Variants in TNFRSF9 observed in about 807,000 individuals in gnomAD.
The protein encoded by TNFRSF9 is TNF receptor superfamily member 9.
In TNFRSF9, 16 loss-of-function variants were observed where a neutral mutation model predicts 28.8. The observed-to-expected ratio is 0.55, with a 90% CI of 0.38 to 0.84. The LOEUF (loss-of-function observed/expected upper bound fraction) is 0.84, where lower values mean the gene tolerates loss of function less well. Among genes scored for constraint, TNFRSF9 ranks in the 40% least tolerant of loss-of-function variants. The pLI is 0.00. For synonymous variants in TNFRSF9, 131 were observed against 117.0 expected (o/e 1.12, Z -0.77); for missense variants, 303 against 315.0 (o/e 0.96, Z 0.29).
At chr1:7,935,440 G>A (rs531476379) in intron 5 of TNFRSF9, among the ~76,000 whole-genome samples, 2 of 152,312 alleles carry the variant, frequency 1.3e-5, no homozygotes, top group South Asian at 2.1e-4. Context: ...ATGAAGGCTA[G>A]CATAGGGTTA....
chr1:7,920,714 T>G lies in TNFRSF9; in HGVS notation c.*121A>C. ...ATTGGCATTTAGAAAAGAACGTGTG[T>G]TGGGGGAATCCTGGGTATTATGTAG... is the stretch of plus-strand genomic sequence containing the variant. On this transcript the variant is annotated 3_prime_UTR_variant, in exon 8 of 8. Coordinates refer to ENST00000377507, the MANE Select transcript of TNFRSF9 (RefSeq NM_001561.6). The G allele has an allele frequency of 1.3e-6, 1 of 785,460 alleles. No homozygotes were observed. The highest frequency in any genetic ancestry group is 2.1e-6 in the Non-Finnish European group (1 of 467,704). The allele number at this position is 785,460 out of a possible 1,614,324, so 48.7% of individuals were successfully genotyped here. A position where few individuals can be genotyped will look rare whatever the true frequency, so the allele number is the denominator to read the frequency against.
In TNFRSF9 at chr1:7,916,908, A is replaced by G. The variant is rs1444248643; in HGVS notation, c.*3927T>C. The G allele has an allele frequency of 2.0e-5, 3 of 152,220 alleles. No individual in the cohort carries two copies. The highest frequency in any genetic ancestry group is 7.2e-5 in the African/African-American group (3 of 41,466). 9.4% of individuals were successfully genotyped at this position (152,220 alleles called of 1,614,324 possible). A position where few individuals can be genotyped will look rare whatever the true frequency, so the allele number is the denominator to read the frequency against. ...CTAAAATTTATATTGAATAATAAAG[A>G]ACCAAGAATAACCAAGACATCTCTT... On this transcript the variant is annotated 3_prime_UTR_variant, in exon 8 of 8. Transcript: ENST00000377507.
intron 5 of TNFRSF9, 88 bp from the exon 6 acceptor site, chr1:7,935,231 A>G: frequency 6.9e-7 from 1 of 1,450,552 alleles, no homozygotes; most frequent in Non-Finnish European, 9.4e-7. Flanking sequence ...CACCCAATGA[A>G]GTAGCCTAGT....
At chr1:7,925,370 G>GA (rs1181497368) in intron 7 of TNFRSF9, among the ~76,000 whole-genome samples, 2 of 152,054 alleles carry the variant, frequency 1.3e-5, no homozygotes, top group African/African-American at 4.8e-5. Flanking sequence ...TATTATTGAA[G>GA]AAAGAGAACA....
chr1:7,927,168 G>A lies in TNFRSF9; in HGVS notation c.679+5994C>T, dbSNP rs764840068. On this transcript the variant is annotated intron_variant, in intron 7 of 7. Transcript: ENST00000377507. ...GATCAAACAGCAAAGTGTTCATCAC[G>A]AATGCAAGATGTGAGCAAACTCACA... 1.3e-4 allele frequency among the ~76,000 whole-genome samples: 20 copies of A among 152,230 alleles called. 1 individual carries two copies. Among genetic ancestry groups the A allele is most frequent in the Middle Eastern group, 3.4e-3 (1 of 294 alleles).
intron 5 of TNFRSF9, 66 bp downstream of exon 5, chr1:7,937,624 T>C (rs1639839947): frequency 3.0e-6 from 4 of 1,352,028 alleles, no homozygotes; most frequent in East Asian, 2.3e-5. Context: ...AATGATAGCA[T>C]TCCTTATCTT....
chr1:7,923,095 G>T (rs1169814762), intron 7 of TNFRSF9, among the ~76,000 whole-genome samples: 2 of 151,844 alleles, frequency 1.3e-5, no homozygotes, highest in Admixed American at 6.6e-5. Flanking sequence ...TAGAGATGGG[G>T]TTTCACCATA....
chr1:7,932,272 C>T (rs1639742321), intron 7 of TNFRSF9, among the ~76,000 whole-genome samples: 1 of 152,118 alleles, frequency 6.6e-6, no homozygotes, highest in Admixed American at 6.5e-5. Flanking sequence ...TTTATTATAT[C>T]CCTCTTATTA....
At chr1:7,925,445 A>T (rs568380232) in intron 7 of TNFRSF9, among the ~76,000 whole-genome samples, 2 of 152,356 alleles carry the variant, frequency 1.3e-5, no homozygotes, top group South Asian at 4.1e-4. Context: ...TATACAGCAG[A>T]GGTCCCCAAC....
chr1:7,930,576 C>G (rs537203784), intron 7 of TNFRSF9, among the ~76,000 whole-genome samples: 1 of 152,050 alleles, frequency 6.6e-6, no homozygotes, highest in Admixed American at 6.6e-5. Context: ...TGGACAACAC[C>G]GTGAATCCCA....
chr1:7,920,743 G>T lies in TNFRSF9; in HGVS notation c.*92C>A. 2 of 987,026 alleles carry T rather than the reference G, an allele frequency of 2.0e-6. No individual in the cohort carries two copies. Among genetic ancestry groups the T allele is most frequent in the Non-Finnish European group, 3.2e-6 (2 of 616,250 alleles). The allele number at this position is 987,026 out of a possible 1,614,324, so 61.1% of individuals were successfully genotyped here. On this transcript the variant is annotated 3_prime_UTR_variant, in exon 8 of 8. Coordinates refer to ENST00000377507, the MANE Select transcript of TNFRSF9 (RefSeq NM_001561.6). ...GGGAATCCTGGGTATTATGTAGGAT[G>T]GTGTTCTTGCTTTTGAAAGCTGTGA...
intron 6 of TNFRSF9, 123 bp from the exon 7 acceptor site, chr1:7,933,419 C>T: frequency 8.4e-7 from 1 of 1,193,138 alleles, no homozygotes; most frequent in East Asian, 2.6e-5. Flanking sequence ...GCATCTCCAA[C>T]CTGCTAATGG....
chr1:7,930,240 T>A (rs1471202751), intron 7 of TNFRSF9, among the ~76,000 whole-genome samples: 1 of 152,036 alleles, frequency 6.6e-6, no homozygotes, highest in Non-Finnish European at 1.5e-5. Flanking sequence ...AATGCTAGGA[T>A]TACAGGCGTG....
intron 5 of TNFRSF9, among the ~76,000 whole-genome samples, chr1:7,935,553 TG>T (rs1639804127): frequency 6.6e-6 from 1 of 152,212 alleles, no homozygotes; most frequent in Admixed American, 6.5e-5. Flanking sequence ...AACCCCAGCA[TG>T]GTGGCTCACG....
chr1:7,938,433 G>T (rs1557431142), intron 3 of TNFRSF9, 103 bp from the exon 4 acceptor site: 1 of 1,245,814 alleles, frequency 8.0e-7, no homozygotes, highest in Non-Finnish European at 1.1e-6. Context: ...TCTACTTATA[G>T]TGTTCCCAGT....
intron 6 of TNFRSF9, among the ~76,000 whole-genome samples, chr1:7,934,567 G>A (rs1452325815): frequency 1.3e-5 from 2 of 151,746 alleles, no homozygotes; most frequent in African/African-American, 2.4e-5. Flanking sequence ...AAATTAGCCG[G>A]GCGTGGTGGT....
rs1250792465 is a variant in TNFRSF9, at chr1:7,918,038, C to A, written c.*2797G>T. 1 of 151,738 alleles carries A rather than the reference C, an allele frequency of 6.6e-6. No homozygotes were observed. Among genetic ancestry groups the A allele is most frequent in the Non-Finnish European group, 1.5e-5 (1 of 68,026 alleles). The allele number at this position is 151,738 out of a possible 1,614,324, so 9.4% of individuals were successfully genotyped here. A position where few individuals can be genotyped will look rare whatever the true frequency, so the allele number is the denominator to read the frequency against. On this transcript the variant is annotated 3_prime_UTR_variant, in exon 8 of 8. Transcript: ENST00000377507. Reference sequence around the variant, plus strand: ...CACTCTTGTCACCCAGTCTGGAGTGCAATGGCACAATCTTGGCTCGCTGCA... The same window carrying A: ...CACTCTTGTCACCCAGTCTGGAGTGAAATGGCACAATCTTGGCTCGCTGCA...
chr1:7,919,520 A>G lies in TNFRSF9; in HGVS notation c.*1315T>C, dbSNP rs533428002. On this transcript the variant is annotated 3_prime_UTR_variant, in exon 8 of 8. Coordinates refer to ENST00000377507, the MANE Select transcript of TNFRSF9 (RefSeq NM_001561.6). Reference sequence around the variant, plus strand: ...TCTCAAAAAAAAATAAAATGAATAAAATTTAAAAAGCTATCCTTAGATCAT... The same window carrying G: ...TCTCAAAAAAAAATAAAATGAATAAGATTTAAAAAGCTATCCTTAGATCAT... 6.6e-6 allele frequency: 1 copy of G among 152,208 alleles called. No homozygotes were observed. Among genetic ancestry groups the G allele is most frequent in the South Asian group, 2.1e-4 (1 of 4,828 alleles). 9.4% of individuals were successfully genotyped at this position (152,208 alleles called of 1,614,324 possible). A position where few individuals can be genotyped will look rare whatever the true frequency, so the allele number is the denominator to read the frequency against.
rs201012166 is a variant in TNFRSF9, at chr1:7,939,895, C to A, written c.100G>T (p.Gly34Cys). The change falls in exon 2 of 8, where the codon GGT becomes TGT. Residue 34 changes from glycine to cysteine, a missense_variant and splice_region_variant. By Grantham distance (159) the Gly-to-Cys change is radical. Coordinates refer to ENST00000377507, the MANE Select transcript of TNFRSF9 (RefSeq NM_001561.6). ...ATGCACATGATAACTGGGTACTCAC[C>A]AGCTGGGCAGTTACTACAAGGATCC... ...LQDPCSNCPA[G>C]TFCDNNRNQI... The A allele has an allele frequency of 1.9e-6, 3 of 1,592,688 alleles. No individual in the cohort carries two copies. Among genetic ancestry groups the A allele is most frequent in the Non-Finnish European group, 2.6e-6 (3 of 1,163,194 alleles).
Sources: gnomAD v4.1 joint callset for allele counts (sites outside exome capture counted in the v4.1 genomes callset) on GRCh38, gnomAD v4.1.1 for gene constraint, MANE v1.5 for transcripts, NCBI Gene and HGNC (gene_info 2026-07-23, HGNC 2026-07-21) for gene names.